Variants in INPP5B observed in about 807,000 individuals in gnomAD.
INPP5B encodes inositol polyphosphate-5-phosphatase B, also known as type II inositol 1,4,5-trisphosphate 5-phosphatase.
Under a neutral mutation model 118.5 loss-of-function variants are expected in INPP5B, and 90 were observed. That is an observed-to-expected ratio of 0.76 (90% CI 0.64 to 0.90). INPP5B has a LOEUF of 0.90. Ranked by LOEUF, INPP5B falls within the 40% of genes least tolerant of loss-of-function variation. The pLI, the probability that INPP5B is intolerant of heterozygous loss-of-function variation, is 0.00. For missense variants in INPP5B, 984 were observed against 1,125.6 expected (o/e 0.87, Z 1.80); for synonymous variants, 385 against 418.9 (o/e 0.92, Z 0.99).
At chr1:37,866,678 C>G (rs1011501052) in intron 20 of INPP5B, 135 bp from the exon 21 acceptor site, 1 of 647,846 alleles carries the variant, frequency 1.5e-6, no homozygotes, top group African/African-American at 1.8e-5. Context: ...GACAGATGAT[C>G]TGATTTAGGC....
chr1:37,901,567 T>TAC, intron 7 of INPP5B, among the ~76,000 whole-genome samples: 1 of 152,228 alleles, frequency 6.6e-6, no homozygotes, highest in South Asian at 2.1e-4. Context: ...CGGCCAGGGG[T>TAC]ACATAGCGTA....
Position 37,888,327 on chromosome 1 carries a change from T to C in INPP5B, c.815A>G (p.Tyr272Cys), listed in dbSNP as rs1206313616. 1.3e-6 allele frequency: 2 copies of C among 1,550,324 alleles called. No individual in the cohort carries two copies. The highest frequency in any genetic ancestry group is 1.7e-6 in the Non-Finnish European group (2 of 1,149,454). The change falls in exon 10 of 24, where the codon TAC becomes TGC. Residue 272 changes from tyrosine (Y) to cysteine (C), a missense_variant. Physicochemically the swap from Tyr to Cys is radical, Grantham distance 194. Transcript: ENST00000373024. Reference sequence around the variant, plus strand: ...TTTGGGGGACTGCCCATTTACATTGTATGTTCCCGCAAAAAACCTGTCACC... The same window carrying C: ...TTTGGGGGACTGCCCATTTACATTGCATGTTCCCGCAAAAAACCTGTCACC... ...IQNFRFFAGT[Y>C]NVNGQSPKEC...
At chr1:37,940,926 T>C in intron 5 of INPP5B, 128 bp from the exon 6 acceptor site, 3 of 606,308 alleles carry the variant, frequency 4.9e-6, no homozygotes, top group South Asian at 4.0e-5. Context: ...AGCAACTTAC[T>C]TGGGACAGCT....
Position 37,945,757 on chromosome 1 carries a change from C to G in INPP5B, c.151G>C (p.Ala51Pro), listed in dbSNP as rs763067577. Residue 51 changes from alanine (A) to proline (P), a missense_variant and splice_region_variant, in exon 3 of 24, where the codon GCT (alanine) becomes CCT (proline). Ala to Pro is a conservative substitution (Grantham distance 27). This residue lies in a region of INPP5B where 350 missense variants were observed against 334.6 expected (regional missense o/e 1.05). Transcript: ENST00000373024. ...GTGGGGACCAAGCCCCTCACTCACG[C>G]GTGTTCCTGGCCGCCGTGCTCCAGG... ...YRLEHGGQEHALFLYTHRRMA... is the reference protein window; with the variant it reads ...YRLEHGGQEHPLFLYTHRRMA... 1 of 1,612,914 alleles carries G rather than the reference C, an allele frequency of 6.2e-7. No individual in the cohort carries two copies. The highest frequency in any genetic ancestry group is 1.1e-5 in the South Asian group (1 of 90,972).
rs376584402 is a variant in INPP5B at position 37,901,592 on chromosome 1, G to T, written c.533-10138C>A. 4.6e-5 allele frequency among the ~76,000 whole-genome samples: 7 copies of T among 152,234 alleles called. 1 individual carries two copies. The highest frequency in any genetic ancestry group is 1.7e-4 in the African/African-American group (7 of 41,542). On this transcript the variant is annotated intron_variant, in intron 7 of 23. Transcript: ENST00000373024. Reference sequence around the variant, plus strand: ...TACATAGCGTACTGATGGGAAAATGGCCCTGCATCTTGTCGATGTCTTCTC... The same window carrying T: ...TACATAGCGTACTGATGGGAAAATGTCCCTGCATCTTGTCGATGTCTTCTC...
chr1:37,915,109 T>C (rs1557690851), intron 7 of INPP5B, among the ~76,000 whole-genome samples: 1 of 152,216 alleles, frequency 6.6e-6, no homozygotes, highest in Non-Finnish European at 1.5e-5. Flanking sequence ...TACTGCATAT[T>C]GTGTAGAACC....
intron 19 of INPP5B, 68 bp downstream of exon 19, chr1:37,872,862 G>A: frequency 8.4e-7 from 1 of 1,192,456 alleles, no homozygotes; most frequent in South Asian, 1.3e-5. Context: ...GGTAGGCATA[G>A]GAATATCTTG....
intron 16 of INPP5B, among the ~76,000 whole-genome samples, chr1:37,877,268 G>A (rs1429453910): frequency 1.3e-5 from 2 of 150,256 alleles, no homozygotes; most frequent in Admixed American, 6.6e-5. Context: ...CTTGAACCCG[G>A]GAGGCGGAGG....
chr1:37,887,532 G>T, intron 10 of INPP5B, 67 bp from the exon 11 acceptor site: 1 of 920,570 alleles, frequency 1.1e-6, no homozygotes, highest in Non-Finnish European at 1.7e-6. Context: ...TTCTCAGATT[G>T]GTTTAGGTGC....
Position 37,874,078 on chromosome 1 carries a change from A to G in INPP5B, c.1866T>C (p.His622=), listed in dbSNP as rs749527081. 2 of 1,608,742 alleles carry G rather than the reference A, an allele frequency of 1.2e-6. No homozygotes were observed. The highest frequency in any genetic ancestry group is 1.7e-6 in the Non-Finnish European group (2 of 1,175,886). The part of the protein sequence containing the change: ...FTIHNGQVPC[H]FEFINKPDEE... ...CATCAGGCTTGTTGATGAATTCAAA[A>G]TGACAGGGTACTTGTCCATTATGAA... The change falls in exon 18 of 24, where the codon CAT becomes CAC. Residue 622 remains histidine (H), a synonymous_variant. Transcript: ENST00000373024.
rs915202864 is a variant in INPP5B at position 37,886,133 on chromosome 1, C to T, written c.1132-308G>A. Among the ~76,000 whole-genome samples the T allele has an allele frequency of 3.3e-5, 5 of 151,808 alleles. No individual in the cohort carries two copies. In the East Asian group the frequency reaches 5.8e-4, roughly 18 times the overall value. On this transcript the variant is annotated intron_variant, in intron 12 of 23. Coordinates refer to ENST00000373024, the MANE Select transcript of INPP5B (RefSeq NM_005540.3). ...GAGAGGTTGCAGTGAGCTGAGATCACGCCACTGCACTCCAGCCTGGGAGAC... is the reference window on the plus strand; with the variant it reads ...GAGAGGTTGCAGTGAGCTGAGATCATGCCACTGCACTCCAGCCTGGGAGAC...
rs1377026092 is a variant in INPP5B at position 37,862,333 on chromosome 1, G to A, written c.2724C>T (p.Phe908=). ...KKKAQEFIHQ[F]LCNPL is the part of the protein sequence containing the mutation. ...GAGAGGCTCAGAGTGGGTTGCAGAG[G>A]AACTGGTGAATAAATTCTTGAGCCT... The change falls in exon 24 of 24, where the codon TTC becomes TTT. Residue 908 remains phenylalanine (F), a synonymous_variant. Coordinates refer to ENST00000373024, the MANE Select transcript of INPP5B (RefSeq NM_005540.3). 5.6e-6 allele frequency: 9 copies of A among 1,612,848 alleles called. No homozygotes were observed. In the African/African-American group the frequency reaches 1.1e-4, roughly 19 times the overall value.
intron 7 of INPP5B, chr1:37,931,444 T>C: frequency 6.5e-7 from 1 of 1,527,122 alleles, no homozygotes; most frequent in Non-Finnish European, 8.8e-7. Context: ...AACCCCAGCC[T>C]CCGGATTCCC....
chr1:37,927,503 T>C lies in INPP5B; in HGVS notation c.532+4410A>G, dbSNP rs1645274918. Among the ~76,000 whole-genome samples the C allele has an allele frequency of 2.0e-5, 3 of 152,004 alleles. No individual in the cohort carries two copies. In the South Asian group the frequency reaches 6.2e-4, roughly 32 times the overall value. Reference sequence around the variant, plus strand: ...CTGAACCTGAAGACGTGGATTCCAGTCTGAAACTAGCTCCATTTCATTTTT... The same window carrying C: ...CTGAACCTGAAGACGTGGATTCCAGCCTGAAACTAGCTCCATTTCATTTTT... On this transcript the variant is annotated intron_variant, in intron 7 of 23. Coordinates refer to ENST00000373024, the MANE Select transcript of INPP5B (RefSeq NM_005540.3).
intron 2 of INPP5B, 142 bp downstream of exon 2, chr1:37,946,110 C>T (rs1646101318): frequency 1.2e-6 from 1 of 804,680 alleles, no homozygotes; most frequent in Non-Finnish European, 2.0e-6. Context: ...GTCCAGGACT[C>T]AGTAAGTACT....
rs71656437 is a variant in INPP5B at position 37,891,227 on chromosome 1, C to CAAA, written c.629+128_629+130dup. ...GGGCAGTAAGAGCGAAACTCTGTCT[C>CAAA]AAAAAAAAAAAAAAAGGACACTTCC... On this transcript the variant is annotated intron_variant, in intron 8 of 23. Transcript: ENST00000373024. 1,491 of 429,358 alleles carry CAAA rather than the reference C, an allele frequency of 3.5e-3. 1 individual carries two copies. Among genetic ancestry groups the CAAA allele is most frequent in the Non-Finnish European group, 4.0e-3 (961 of 239,624 alleles). The allele number at this position is 429,358 out of a possible 1,614,324, so 26.6% of individuals were successfully genotyped here.
At chr1:37,902,513 T>G (rs1236566583) in intron 7 of INPP5B, among the ~76,000 whole-genome samples, 2 of 152,130 alleles carry the variant, frequency 1.3e-5, no homozygotes, top group African/African-American at 4.8e-5. Context: ...GAGGATTGCT[T>G]GAGTCCAGGA....
In INPP5B at chr1:37,900,773, T is replaced by C. The variant is rs542734628; in HGVS notation, c.533-9319A>G. On this transcript the variant is annotated intron_variant, in intron 7 of 23. Transcript: ENST00000373024. ...CCTCCCGTGTAGCTGGGACTACAGGTAGATGCCACCACACCCAGCTAATTT... is the reference window on the plus strand; with the variant it reads ...CCTCCCGTGTAGCTGGGACTACAGGCAGATGCCACCACACCCAGCTAATTT... Among the ~76,000 whole-genome samples the C allele has an allele frequency of 1.2e-4, 18 of 150,316 alleles. No homozygotes were observed. In the East Asian group the frequency reaches 3.4e-3, roughly 28 times the overall value.
At chr1:37,865,344 T>G (rs780715904) in intron 22 of INPP5B, among the ~76,000 whole-genome samples, 69 of 152,300 alleles carry the variant, frequency 4.5e-4, no homozygotes, top group Middle Eastern at 3.4e-3. Flanking sequence ...TAATTGGCAA[T>G]AGAGAGCCAA....
Sources: allele counts gnomAD v4.1 joint callset (sites outside exome capture counted in the v4.1 genomes callset), GRCh38; gene constraint gnomAD v4.1.1; regional missense constraint gnomAD v4.1.1; transcripts MANE v1.5; gene names NCBI Gene and HGNC (gene_info 2026-07-23, HGNC 2026-07-21).